OPHN1: variants seen among roughly 807,000 people sequenced by gnomAD.
The protein encoded by OPHN1 is oligophrenin 1, also known as oligophrenin-1.
In OPHN1, 11 loss-of-function variants were observed where a neutral mutation model predicts 60.7. The ratio of observed to expected loss-of-function variants is 0.18; its 90% CI spans 0.11 to 0.30. The LOEUF (loss-of-function observed/expected upper bound fraction) is 0.30, where lower values mean the gene tolerates loss of function less well. Among genes scored for constraint, OPHN1 ranks in the 10% least tolerant of loss-of-function variants. OPHN1 has a pLI of 1.00. For synonymous variants in OPHN1, 226 were observed against 222.6 expected (o/e 1.02, Z -0.14); for missense variants, 449 against 611.0 (o/e 0.73, Z 2.80).
At chrX:68,114,689 T>TGA (rs2077120038) in intron 16 of OPHN1, among the ~76,000 whole-genome samples, 1 of 110,328 alleles carries the variant, frequency 9.1e-6, no homozygotes, top group South Asian at 3.9e-4. Context: ...TGCTTCAGCC[T>TGA]GAGAGAGAGA....
At chrX:68,266,124 A>C (rs923642694) in intron 5 of OPHN1, among the ~76,000 whole-genome samples, 4 of 111,764 alleles carry the variant, frequency 3.6e-5, no homozygotes, top group African/African-American at 1.3e-4. Flanking sequence ...ATCCAGGAGA[A>C]CTTCCCCAAT....
chrX:68,433,447 A>C lies in OPHN1; in HGVS notation c.-284T>G. 1 of 265,456 alleles carries C rather than the reference A, an allele frequency of 3.8e-6. No homozygotes were observed. Among genetic ancestry groups the C allele is most frequent in the Non-Finnish European group, 6.7e-6 (1 of 150,071 alleles). The allele number at this position is 265,456 out of a possible 1,213,427, so 21.9% of individuals were successfully genotyped here. A position where few individuals can be genotyped will look rare whatever the true frequency, so the allele number is the denominator to read the frequency against. ...GGCGAGGTTAGAGCTGGAGCTGGGA[A>C]CAGCCTCTCTACAGGCTCCTCGCTC... On this transcript the variant is annotated 5_prime_UTR_variant, in exon 1 of 25. Transcript: ENST00000355520.
chrX:68,303,664 A>G (rs1156569170), intron 2 of OPHN1, among the ~76,000 whole-genome samples: 1 of 110,632 alleles, frequency 9.0e-6, no homozygotes, highest in African/African-American at 3.3e-5. Context: ...AAAAAAAGAA[A>G]GAAAGAAAAT....
At chrX:68,207,958 G>T (rs1169307087) in intron 9 of OPHN1, among the ~76,000 whole-genome samples, 1 of 111,235 alleles carries the variant, frequency 9.0e-6, no homozygotes, top group African/African-American at 3.3e-5. Flanking sequence ...TCATGCAGTG[G>T]TATATACCTG....
intron 15 of OPHN1, among the ~76,000 whole-genome samples, chrX:68,156,706 T>C (rs902456436): frequency 8.9e-6 from 1 of 111,997 alleles, no homozygotes; most frequent in South Asian, 3.7e-4. Flanking sequence ...CATGTTGTTA[T>C]GCATCAGTAC....
intron 15 of OPHN1, among the ~76,000 whole-genome samples, chrX:68,144,034 G>A (rs1472645373): frequency 9.1e-6 from 1 of 110,364 alleles, no homozygotes; most frequent in East Asian, 2.9e-4. Flanking sequence ...TTTTGAGATG[G>A]GGTCTCATTC....
chrX:68,278,357 C>A (rs1475312818), intron 4 of OPHN1, among the ~76,000 whole-genome samples: 1 of 112,223 alleles, frequency 8.9e-6, no homozygotes, highest in East Asian at 2.8e-4. Flanking sequence ...AATCTCTTTT[C>A]TAATCACTGC....
chrX:68,201,388 G>A (rs752090343), intron 11 of OPHN1, among the ~76,000 whole-genome samples: 8 of 112,097 alleles, frequency 7.1e-5, no homozygotes, highest in Non-Finnish European at 1.3e-4. Flanking sequence ...CCCAGAGCAA[G>A]TGAGGCAAAG....
chrX:68,354,125 C>G (rs1291552747), intron 2 of OPHN1, among the ~76,000 whole-genome samples: 1 of 110,990 alleles, frequency 9.0e-6, no homozygotes, highest in East Asian at 2.8e-4. Flanking sequence ...TGTCTCTGGA[C>G]AAGGCATTGT....
intron 19 of OPHN1, among the ~76,000 whole-genome samples, chrX:68,096,452 C>T (rs1431721661): frequency 9.0e-6 from 1 of 111,492 alleles, no homozygotes; most frequent in African/African-American, 3.3e-5. Flanking sequence ...TCTTGTTAAT[C>T]GGTCTTTTGT....
rs1341985701 is a variant in OPHN1, at chrX:68,043,530, T to G, written c.*3642A>C. ...TTGATCTATGTTCTCTCAAAAGCAA[T>G]TTTTTCCTAGTCACAGAACTATTTC... On this transcript the variant is annotated 3_prime_UTR_variant, in exon 25 of 25. Coordinates refer to ENST00000355520, the MANE Select transcript of OPHN1 (RefSeq NM_002547.3). The G allele has an allele frequency of 9.0e-6, 1 of 111,394 alleles. No individual in the cohort carries two copies. The highest frequency in any genetic ancestry group is 1.9e-5 in the Non-Finnish European group (1 of 53,075). 9.2% of individuals were successfully genotyped at this position (111,394 alleles called of 1,213,427 possible).
chrX:68,387,250 C>T (rs958660971), intron 2 of OPHN1, among the ~76,000 whole-genome samples: 2 of 107,973 alleles, frequency 1.9e-5, no homozygotes, highest in Non-Finnish European at 3.8e-5. Context: ...TGCTCCCCTC[C>T]ATGGGCAAGT....
At chrX:68,286,076 A>G (rs1416573544) in intron 3 of OPHN1, among the ~76,000 whole-genome samples, 1 of 110,948 alleles carries the variant, frequency 9.0e-6, no homozygotes, top group African/African-American at 3.3e-5. Context: ...TTCAAGGGTC[A>G]TATTTTACTA....
chrX:68,166,927 A>G (rs1166169760), intron 15 of OPHN1, among the ~76,000 whole-genome samples: 3 of 112,280 alleles, frequency 2.7e-5, no homozygotes, highest in African/African-American at 9.7e-5. Context: ...CTATAAAACT[A>G]CTAAAAGAAA....
intron 18 of OPHN1, among the ~76,000 whole-genome samples, chrX:68,100,746 T>G (rs2077055043): frequency 9.1e-6 from 1 of 109,383 alleles, no homozygotes; most frequent in Admixed American, 9.8e-5. Context: ...TATTTTTATT[T>G]ATTTATTTAT....
chrX:68,154,663 CTT>C (rs2077300159), intron 15 of OPHN1, among the ~76,000 whole-genome samples: 1 of 111,663 alleles, frequency 9.0e-6, no homozygotes, highest in Admixed American at 9.6e-5. Context: ...ATTCCCACAA[CTT>C]TTCAGATTGC....
At chrX:68,266,130 C>T (rs2077924837) in intron 5 of OPHN1, among the ~76,000 whole-genome samples, 1 of 111,051 alleles carries the variant, frequency 9.0e-6, no homozygotes, top group South Asian at 3.8e-4. Context: ...GAGAACTTCC[C>T]CAATCTAGCA....
intron 2 of OPHN1, among the ~76,000 whole-genome samples, chrX:68,341,208 G>C (rs1178450671): frequency 1.8e-5 from 2 of 109,575 alleles, no homozygotes; most frequent in African/African-American, 6.6e-5. Flanking sequence ...ATTTCAAAAT[G>C]CAAGGATCAA....
chrX:68,073,604 A>T (rs989516712), intron 19 of OPHN1, among the ~76,000 whole-genome samples: 22 of 111,855 alleles, frequency 2.0e-4, no homozygotes, highest in Non-Finnish European at 3.8e-4. Flanking sequence ...AAGTCACCTC[A>T]CTTCTCTGAG....
Sources: allele counts gnomAD v4.1 joint callset (sites outside exome capture counted in the v4.1 genomes callset), GRCh38; gene constraint gnomAD v4.1.1; transcripts MANE v1.5; gene names NCBI Gene and HGNC (gene_info 2026-07-23, HGNC 2026-07-21).